Variants in QTGAL observed in about 807,000 individuals in gnomAD.
QTGAL encodes BGnT-like protein 1.
At chr17:82,958,554 C>A in the QTGAL span, among the ~76,000 whole-genome samples, 3 of 152,178 alleles carry the variant, frequency 2.0e-5, no homozygotes, top group Admixed American at 6.5e-5. Context: ...GACTCCCCCC[C>A]AACCCTGTGG....
chr17:82,970,639 C>CCCACCCGGCGTGGCCGCGACCTCT, the QTGAL span, among the ~76,000 whole-genome samples: 1 of 54,448 alleles, frequency 1.8e-5, no homozygotes, highest in East Asian at 8.5e-4. Flanking sequence ...CCGCGACCTC[C>CCCACCCGGCGTGGCCGCGACCTCT]GCACCCGGTG....
the QTGAL span, among the ~76,000 whole-genome samples, chr17:82,946,528 G>A: frequency 6.9e-6 from 1 of 143,920 alleles, no homozygotes; most frequent in Non-Finnish European, 1.6e-5. Flanking sequence ...AGGCACGGTT[G>A]AAGGAGAAAA....
At chr17:82,983,973 G>A in the QTGAL span, among the ~76,000 whole-genome samples, 1 of 147,148 alleles carries the variant, frequency 6.8e-6, no homozygotes, top group Admixed American at 6.8e-5. Context: ...GCACACAGAA[G>A]AGAGGCCATA....
At chr17:82,960,926 A>G in the QTGAL span, 10 of 1,350,306 alleles carry the variant, frequency 7.4e-6, no homozygotes, top group African/African-American at 1.2e-4. Context: ...GTGTCCCACC[A>G]GACCCTGGGT....
At chr17:83,045,670 T>C in the QTGAL span, among the ~76,000 whole-genome samples, 3 of 152,034 alleles carry the variant, frequency 2.0e-5, no homozygotes, top group Non-Finnish European at 4.4e-5. Flanking sequence ...GGGAAAAAAA[T>C]TGCAAATTAT....
chr17:83,005,150 T>C, the QTGAL span: 2 of 1,609,990 alleles, frequency 1.2e-6, no homozygotes, highest in South Asian at 2.2e-5. This position sits in a 1 kb window ranked among gnomAD's most constrained non-coding sequence, Gnocchi z 5.6. Context: ...AGCTGGTTGA[T>C]CCAACGTGTG....
chr17:83,027,384 CAAGAGACGTCGAT>C, the QTGAL span, among the ~76,000 whole-genome samples: 1 of 152,194 alleles, frequency 6.6e-6, no homozygotes, highest in East Asian at 1.9e-4. Context: ...TAGAGATGGA[CAAGAGACGTCGAT>C]AGGACAGTCA....
At chr17:83,035,471 T>C in the QTGAL span, among the ~76,000 whole-genome samples, 1 of 152,082 alleles carries the variant, frequency 6.6e-6, no homozygotes, top group Non-Finnish European at 1.5e-5. Flanking sequence ...ACCCGCCCAA[T>C]ATACGATGTT....
the QTGAL span, among the ~76,000 whole-genome samples, chr17:83,027,444 C>T: frequency 4.6e-5 from 7 of 152,158 alleles, no homozygotes; most frequent in South Asian, 2.1e-4. Flanking sequence ...ACTTCTCCTT[C>T]GGGGTGAGCA....
chr17:82,959,971 G>A, the QTGAL span, among the ~76,000 whole-genome samples: 1 of 152,186 alleles, frequency 6.6e-6, no homozygotes, highest in Non-Finnish European at 1.5e-5. Flanking sequence ...GGAAGCCGTG[G>A]CCCCGCCTTA....
the QTGAL span, among the ~76,000 whole-genome samples, chr17:83,033,975 C>A: frequency 6.6e-6 from 1 of 152,108 alleles, no homozygotes; most frequent in East Asian, 1.9e-4. Context: ...GAGTCTCACT[C>A]TGTCTCCCAG....
chr17:82,992,991 A>C, the QTGAL span, among the ~76,000 whole-genome samples: 1 of 152,196 alleles, frequency 6.6e-6, no homozygotes, highest in Non-Finnish European at 1.5e-5. Context: ...AAAAAGCAAG[A>C]AATCAAATCA....
chr17:83,008,817 C>T, the QTGAL span, among the ~76,000 whole-genome samples: 11 of 151,520 alleles, frequency 7.3e-5, no homozygotes, highest in East Asian at 5.8e-4. Flanking sequence ...TCCCTGCCGC[C>T]GAGCGAGTGC....
the QTGAL span, among the ~76,000 whole-genome samples, chr17:83,051,220 GGCAGATGC>G: frequency 2.7e-5 from 4 of 148,096 alleles, no homozygotes; most frequent in East Asian, 6.0e-4. Context: ...GTAAGAGCGA[GGCAGATGC>G]GCAGGTGCGC....
At chr17:82,977,581 T>C in the QTGAL span, among the ~76,000 whole-genome samples, 2 of 152,164 alleles carry the variant, frequency 1.3e-5, no homozygotes, top group African/African-American at 4.8e-5. Context: ...CCTCAGGCTC[T>C]CCGGGGGGTC....
the QTGAL span, among the ~76,000 whole-genome samples, chr17:82,954,371 C>T: frequency 2.0e-5 from 3 of 151,932 alleles, no homozygotes; most frequent in African/African-American, 7.3e-5. Context: ...GAGACTGAAA[C>T]CATGAGTGAA....
At chr17:83,016,353 A>G in the QTGAL span, among the ~76,000 whole-genome samples, 362 of 152,270 alleles carry the variant, frequency 2.4e-3, 1 homozygote, top group African/African-American at 8.2e-3. Flanking sequence ...GCCTTAGGAC[A>G]TTCAGATCAT....
At chr17:83,003,336 C>T in the QTGAL span, among the ~76,000 whole-genome samples, 2 of 46,154 alleles carry the variant, frequency 4.3e-5, no homozygotes. Context: ...CTGAGCCCGC[C>T]CTCCCGCCCT....
At chr17:83,038,867 CA>C in the QTGAL span, among the ~76,000 whole-genome samples, 1 of 125,528 alleles carries the variant, frequency 8.0e-6, no homozygotes, top group East Asian at 2.4e-4. Flanking sequence ...TCAACAACAA[CA>C]AAAAAATATT....
Sources: gnomAD v4.1 joint callset for allele counts (sites outside exome capture counted in the v4.1 genomes callset) on GRCh38, gnomAD v4.1.1 for gene constraint, Gnocchi (gnomAD v3.1) non-coding constraint, MANE v1.5 for transcripts, NCBI Gene and HGNC (gene_info 2026-07-23, HGNC 2026-07-21) for gene names.